Variants in STIM2 observed in about 807,000 individuals in gnomAD.
STIM2 encodes stromal interaction molecule 2.
Under a neutral mutation model 85.8 loss-of-function variants are expected in STIM2, and 31 were observed. The observed-to-expected ratio is 0.36, with a 90% CI of 0.27 to 0.49. STIM2 has a LOEUF of 0.49. STIM2 is among the 20% of genes least tolerant of loss of function. The probability of loss-of-function intolerance (pLI) is 0.98; values close to 1 mark genes in which losing one functional copy is unlikely to be tolerated. For synonymous variants in STIM2, 356 were observed against 331.1 expected (o/e 1.08, Z -0.82); for missense variants, 841 against 927.6 (o/e 0.91, Z 1.21).
chr4:26,929,631 T>C (rs1014796454), intron 2 of STIM2, among the ~76,000 whole-genome samples: 1 of 152,040 alleles, frequency 6.6e-6, no homozygotes, highest in South Asian at 2.1e-4. Context: ...AAAAACTTAT[T>C]TTTTTTTCTC....
chr4:26,947,565 C>T (rs947753388), intron 2 of STIM2, among the ~76,000 whole-genome samples: 4 of 152,090 alleles, frequency 2.6e-5, no homozygotes, highest in African/African-American at 7.2e-5. Flanking sequence ...AGGCCACAGC[C>T]GCATCTTGAT....
At chr4:26,949,823 A>G (rs1725977560) in intron 2 of STIM2, among the ~76,000 whole-genome samples, 1 of 152,074 alleles carries the variant, frequency 6.6e-6, no homozygotes, top group South Asian at 2.1e-4. Flanking sequence ...TATCAGTGTT[A>G]CTGCTTGTGA....
At chr4:26,883,446 C>G (rs994509072) in intron 1 of STIM2, among the ~76,000 whole-genome samples, 1 of 151,908 alleles carries the variant, frequency 6.6e-6, no homozygotes, top group African/African-American at 2.4e-5. Context: ...ATTTGGTGTT[C>G]AGTGAATTAG....
At chr4:27,000,653 A>G (rs931801920) in intron 5 of STIM2, among the ~76,000 whole-genome samples, 15 of 152,246 alleles carry the variant, frequency 9.9e-5, no homozygotes, top group Non-Finnish European at 1.6e-4. Flanking sequence ...TAGTCTCAAA[A>G]AAGATTGTAA....
chr4:26,893,490 C>G (rs1723574038), intron 1 of STIM2, among the ~76,000 whole-genome samples: 1 of 152,176 alleles, frequency 6.6e-6, no homozygotes, highest in Non-Finnish European at 1.5e-5. Flanking sequence ...TTCTGTGTAG[C>G]TGCATTCATT....
At chr4:26,978,114 G>T (rs1727261540) in intron 3 of STIM2, among the ~76,000 whole-genome samples, 1 of 151,872 alleles carries the variant, frequency 6.6e-6, no homozygotes, top group Non-Finnish European at 1.5e-5. Flanking sequence ...TAAACAGGAA[G>T]TAAGGACAAT....
At chr4:26,961,599 T>C (rs566026276) in intron 3 of STIM2, among the ~76,000 whole-genome samples, 25 of 152,214 alleles carry the variant, frequency 1.6e-4, no homozygotes, top group Non-Finnish European at 3.4e-4. Context: ...ATAATTACAC[T>C]ATAAGGTGAT....
chr4:26,953,609 T>C (rs897761870), intron 2 of STIM2, among the ~76,000 whole-genome samples: 4 of 152,058 alleles, frequency 2.6e-5, no homozygotes, highest in African/African-American at 9.7e-5. Context: ...GAAACAGACT[T>C]ATGGAAATCA....
At chr4:26,948,010 G>C (rs926165947) in intron 2 of STIM2, among the ~76,000 whole-genome samples, 4 of 152,180 alleles carry the variant, frequency 2.6e-5, no homozygotes, top group African/African-American at 9.7e-5. Flanking sequence ...TATTGCAGGT[G>C]AAAATTCCAT....
chr4:26,861,435 G>A, intron 1 of STIM2, 66 bp downstream of exon 1: 1 of 1,245,800 alleles, frequency 8.0e-7, no homozygotes, highest in East Asian at 3.3e-5. Flanking sequence ...CCCGTGCAGA[G>A]GTCAGCATCT....
At chr4:26,982,474 A>G (rs905165456) in intron 3 of STIM2, among the ~76,000 whole-genome samples, 1 of 152,110 alleles carries the variant, frequency 6.6e-6, no homozygotes. Context: ...ACTGGCTTCT[A>G]TATCCTTCTG....
At chr4:26,964,011 A>G (rs1456851896) in intron 3 of STIM2, among the ~76,000 whole-genome samples, 1 of 152,218 alleles carries the variant, frequency 6.6e-6, no homozygotes, top group Admixed American at 6.5e-5. Context: ...GTAAGTGATG[A>G]ACAGATATCT....
chr4:26,975,603 T>A (rs1727154906), intron 3 of STIM2, among the ~76,000 whole-genome samples: 1 of 152,212 alleles, frequency 6.6e-6, no homozygotes, highest in South Asian at 2.1e-4. Context: ...CAAATATTGC[T>A]GCCTGATCCT....
At chr4:26,999,195 A>G (rs1728061795) in intron 4 of STIM2, 37 bp from the exon 5 acceptor site, 2 of 867,978 alleles carry the variant, frequency 2.3e-6, no homozygotes, top group Non-Finnish European at 1.6e-6. Flanking sequence ...TTCATTTAAT[A>G]TATATATATA....
At position 27,023,150 on chromosome 4, in the gene STIM2, A is replaced by G; in HGVS notation, c.*154A>G. 1 of 682,568 alleles carries G rather than the reference A, an allele frequency of 1.5e-6. No individual in the cohort carries two copies. Among genetic ancestry groups the G allele is most frequent in the East Asian group, 2.5e-5 (1 of 39,734 alleles). 42.3% of individuals were successfully genotyped at this position (682,568 alleles called of 1,614,324 possible). On this transcript the variant is annotated 3_prime_UTR_variant, in exon 12 of 12. Coordinates refer to ENST00000467087, the MANE Select transcript of STIM2 (RefSeq NM_020860.4). The stretch of plus-strand genomic sequence containing the variant: ...CCATAGTGGAACATCCAGAAGGGCA[A>G]CTGTCTACTGTCTGCTTATTTAAGT...
chr4:26,894,086 A>C (rs1475012681), intron 1 of STIM2, among the ~76,000 whole-genome samples: 1 of 151,976 alleles, frequency 6.6e-6, no homozygotes, highest in Non-Finnish European at 1.5e-5. Context: ...ATGGGGTTTC[A>C]CCATCTTGGC....
At chr4:26,864,068 A>G (rs1044662016) in intron 1 of STIM2, among the ~76,000 whole-genome samples, 1 of 152,082 alleles carries the variant, frequency 6.6e-6, no homozygotes, top group African/African-American at 2.4e-5. Flanking sequence ...GCTCAAATAA[A>G]CTGTTATTGC....
intron 1 of STIM2, among the ~76,000 whole-genome samples, chr4:26,906,690 G>A (rs1724138662): frequency 6.6e-6 from 1 of 152,042 alleles, no homozygotes; most frequent in South Asian, 2.1e-4. Context: ...CATTTGGACT[G>A]GAAATGATAT....
chr4:26,928,490 A>G (rs1372178590), intron 2 of STIM2, among the ~76,000 whole-genome samples: 1 of 152,138 alleles, frequency 6.6e-6, no homozygotes, highest in Non-Finnish European at 1.5e-5. Flanking sequence ...TAGAAGTACA[A>G]GTTATTTTAA....
Sources: allele counts gnomAD v4.1 joint callset (sites outside exome capture counted in the v4.1 genomes callset), GRCh38; gene constraint gnomAD v4.1.1; transcripts MANE v1.5; gene names NCBI Gene and HGNC (gene_info 2026-07-23, HGNC 2026-07-21).